The following WDPCP variants were observed in gnomAD, a reference collection of about 807,000 sequenced individuals.
WDPCP encodes the protein WD repeat-containing and planar cell polarity effector protein fritz homolog.
A neutral mutation model predicts 93.1 loss-of-function variants in WDPCP; 71 were observed. The ratio of observed to expected loss-of-function variants is 0.76; its 90% CI spans 0.63 to 0.93. The LOEUF is 0.93. WDPCP is among the 40% of genes least tolerant of loss of function. WDPCP has a pLI of 0.00. For missense variants in WDPCP, 844 were observed against 887.4 expected (o/e 0.95, Z 0.62); for synonymous variants, 315 against 315.0 (o/e 1.00, Z 0.00).
intron 2 of WDPCP, among the ~76,000 whole-genome samples, chr2:63,691,871 A>G (rs1255010842): frequency 1.5e-5 from 2 of 133,350 alleles, no homozygotes; most frequent in African/African-American, 6.4e-5. Flanking sequence ...TATATACTAC[A>G]AAGTGTGTGT....
chr2:63,532,002 T>C (rs557802190), intron 1 of WDPCP, among the ~76,000 whole-genome samples: 5 of 152,114 alleles, frequency 3.3e-5, no homozygotes, highest in Admixed American at 6.5e-5. Context: ...ATAACCAGCA[T>C]AGAGAAGACC....
intron 13 of WDPCP, among the ~76,000 whole-genome samples, chr2:63,296,386 A>G (rs1017378607): frequency 2.0e-5 from 3 of 152,212 alleles, no homozygotes; most frequent in African/African-American, 7.2e-5. Flanking sequence ...AACAGGAACA[A>G]GACAAGGATT....
At chr2:63,145,864 G>T (rs1051063311) in intron 17 of WDPCP, among the ~76,000 whole-genome samples, 1 of 152,224 alleles carries the variant, frequency 6.6e-6, no homozygotes, top group East Asian at 1.9e-4. Flanking sequence ...CCATTTGTTT[G>T]TGTCATCTCT....
At chr2:63,543,682 G>A (rs1013510037) in intron 1 of WDPCP, among the ~76,000 whole-genome samples, 4 of 151,906 alleles carry the variant, frequency 2.6e-5, no homozygotes, top group African/African-American at 9.7e-5. Context: ...GAATGCAAGG[G>A]TTTTTTCAGT....
chr2:63,578,474 C>T, intron 1 of WDPCP, among the ~76,000 whole-genome samples: 1 of 152,126 alleles, frequency 6.6e-6, no homozygotes, highest in Non-Finnish European at 1.5e-5. Flanking sequence ...AGGGGAGCCA[C>T]AAGATATTCC....
chr2:63,699,703 G>A (rs1669016388), intron 2 of WDPCP, among the ~76,000 whole-genome samples: 1 of 152,160 alleles, frequency 6.6e-6, no homozygotes, highest in African/African-American at 2.4e-5. Context: ...CTAACATAGA[G>A]GTATCCCATA....
At chr2:63,129,838 T>A (rs1670173109) in intron 17 of WDPCP, among the ~76,000 whole-genome samples, 1 of 152,222 alleles carries the variant, frequency 6.6e-6, no homozygotes, top group Non-Finnish European at 1.5e-5. Context: ...ACATATATTT[T>A]AAATAATCTC....
chr2:63,154,579 A>G (rs71422377), intron 15 of WDPCP, among the ~76,000 whole-genome samples: 1 of 152,148 alleles, frequency 6.6e-6, no homozygotes, highest in African/African-American at 2.4e-5. Context: ...GTTTTTGAAA[A>G]TTATGAATAA....
intron 10 of WDPCP, among the ~76,000 whole-genome samples, chr2:63,393,616 C>T (rs1409990782): frequency 6.6e-6 from 1 of 151,764 alleles, no homozygotes; most frequent in East Asian, 1.9e-4. Context: ...GAATAGCTAA[C>T]ACGATCCTAA....
At chr2:63,242,049 A>G (rs1679898518) in intron 14 of WDPCP, among the ~76,000 whole-genome samples, 1 of 152,180 alleles carries the variant, frequency 6.6e-6, no homozygotes, top group South Asian at 2.1e-4. Flanking sequence ...ATATGCATAG[A>G]AAAAAGGGAA....
chr2:63,196,514 C>T (rs1256329902), intron 14 of WDPCP, among the ~76,000 whole-genome samples: 2 of 152,064 alleles, frequency 1.3e-5, no homozygotes, highest in East Asian at 1.9e-4. Context: ...AATGTGAAGT[C>T]ATTATATGAC....
In WDPCP at chr2:63,703,183, C is replaced by T. The variant is rs567548652; in HGVS notation, n.309-52345G>A. Reference sequence around the variant, plus strand: ...TGTGAATAGTGCTGCAATAAACATACGTGTGCATGTGTCTTTATAGCAGCA... The same window carrying T: ...TGTGAATAGTGCTGCAATAAACATATGTGTGCATGTGTCTTTATAGCAGCA... On this transcript the variant is annotated intron_variant and non_coding_transcript_variant, in intron 2 of 4. Transcript: ENST00000467687. 5.1e-4 allele frequency among the ~76,000 whole-genome samples: 78 copies of T among 152,202 alleles called. 1 individual carries two copies. Among genetic ancestry groups the T allele is most frequent in the African/African-American group, 1.7e-3 (70 of 41,532 alleles).
intron 1 of WDPCP, among the ~76,000 whole-genome samples, chr2:63,576,821 T>C (rs1708149544): frequency 2.6e-5 from 4 of 152,190 alleles, no homozygotes; most frequent in Admixed American, 2.6e-4. Flanking sequence ...GGTTGTTGTG[T>C]GCCAGGAACC....
At chr2:63,555,829 C>A (rs1706073966) in intron 1 of WDPCP, among the ~76,000 whole-genome samples, 1 of 152,034 alleles carries the variant, frequency 6.6e-6, no homozygotes, top group South Asian at 2.1e-4. Context: ...CAAAAAAAGT[C>A]CCCAAAAAAC....
chr2:63,457,940 A>G (rs1698743343), intron 6 of WDPCP, among the ~76,000 whole-genome samples: 1 of 152,148 alleles, frequency 6.6e-6, no homozygotes, highest in South Asian at 2.1e-4. Context: ...CTTGGCCAAC[A>G]TGGTGAAACC....
intron 2 of WDPCP, among the ~76,000 whole-genome samples, chr2:63,669,358 A>AT (rs1419665696): frequency 6.5e-5 from 5 of 76,656 alleles, no homozygotes; most frequent in Admixed American, 5.1e-4. Context: ...TTTTTATTTT[A>AT]TTTTATTTTA....
intron 3 of WDPCP, among the ~76,000 whole-genome samples, chr2:63,614,390 GT>G (rs1480750917): frequency 2.0e-5 from 3 of 152,086 alleles, no homozygotes; most frequent in African/African-American, 7.2e-5. Flanking sequence ...CCACTCCTAT[GT>G]TTACCCACTT....
intron 1 of WDPCP, among the ~76,000 whole-genome samples, chr2:63,538,887 C>G (rs1704506645): frequency 6.6e-6 from 1 of 152,040 alleles, no homozygotes; most frequent in Non-Finnish European, 1.5e-5. Flanking sequence ...CACTTTTATT[C>G]TCTTCTGAAA....
At chr2:63,343,061 G>A (rs1277821958) in intron 12 of WDPCP, among the ~76,000 whole-genome samples, 1 of 152,088 alleles carries the variant, frequency 6.6e-6, no homozygotes, top group Non-Finnish European at 1.5e-5. Context: ...CTGGAGTGCA[G>A]TGGTGCCATC....
Sources: gnomAD v4.1 joint callset for allele counts (sites outside exome capture counted in the v4.1 genomes callset) on GRCh38, gnomAD v4.1.1 for gene constraint, MANE v1.5 for transcripts, NCBI Gene and HGNC (gene_info 2026-07-23, HGNC 2026-07-21) for gene names.